The following GHR variants were observed in gnomAD, a reference collection of about 807,000 sequenced individuals.
GHR encodes the protein growth hormone receptor.
In GHR, 35 loss-of-function variants were observed where a neutral mutation model predicts 67.1. The ratio of observed to expected loss-of-function variants is 0.52; its 90% confidence interval spans 0.40 to 0.69. GHR has a LOEUF of 0.69. Among genes scored for constraint, GHR ranks in the 30% least tolerant of loss-of-function variants. The pLI, the probability that GHR is intolerant of heterozygous loss-of-function variation, is 0.00. For synonymous variants in GHR, 272 were observed against 269.1 expected, an observed-to-expected ratio of 1.01 and a Z score of -0.10; for missense variants, 792 against 764.6, an observed-to-expected ratio of 1.04 and a Z score of -0.42.
intron 3 of GHR, among the ~76,000 whole-genome samples, chr5:42,669,833 T>C (rs1437790338): frequency 1.3e-5 from 2 of 152,180 alleles, no homozygotes; most frequent in Non-Finnish European, 2.9e-5. Flanking sequence ...AAGGGAAATA[T>C]CTGTTTACTG....
intron 3 of GHR, among the ~76,000 whole-genome samples, chr5:42,657,507 T>A (rs1470304342): frequency 6.6e-6 from 1 of 152,152 alleles, no homozygotes; most frequent in African/African-American, 2.4e-5. Context: ...ATGTGGACCA[T>A]GATTTTATTC....
chr5:42,468,652 C>T, intron 1 of GHR: 2 of 1,043,004 alleles, frequency 1.9e-6, no homozygotes, highest in South Asian at 1.3e-5. Context: ...TCTGGGACTC[C>T]TTGCGCAGCT....
intron 1 of GHR, among the ~76,000 whole-genome samples, chr5:42,449,276 G>A (rs1237102201): frequency 6.6e-6 from 1 of 152,046 alleles, no homozygotes; most frequent in East Asian, 1.9e-4. Flanking sequence ...TGTGGGATGT[G>A]TTTCCATTTG....
intron 3 of GHR, among the ~76,000 whole-genome samples, chr5:42,686,615 C>T (rs983056396): frequency 1.3e-5 from 2 of 152,090 alleles, no homozygotes; most frequent in Non-Finnish European, 2.9e-5. Flanking sequence ...AAGCCTTCGA[C>T]AAAATTCAAC....
At chr5:42,467,647 C>G in intron 1 of GHR, 2 of 1,606,158 alleles carry the variant, frequency 1.2e-6, no homozygotes, top group Non-Finnish European at 1.7e-6. Flanking sequence ...AGGTTTCTGT[C>G]CAGTGTGGAT....
At chr5:42,425,737 C>T (rs1033389154) in intron 1 of GHR, among the ~76,000 whole-genome samples, 6 of 152,112 alleles carry the variant, frequency 3.9e-5, no homozygotes, top group African/African-American at 1.4e-4. Flanking sequence ...GAGGTTGTCC[C>T]GTCTCTCATC....
intron 1 of GHR, chr5:42,514,846 C>T (rs1747171976): frequency 6.6e-6 from 1 of 152,196 alleles, no homozygotes; most frequent in South Asian, 2.1e-4. Flanking sequence ...GAACTGATCA[C>T]ACACTGCATT....
chr5:42,567,670 C>T (rs1445226044), intron 2 of GHR, among the ~76,000 whole-genome samples: 1 of 151,518 alleles, frequency 6.6e-6, no homozygotes, highest in African/African-American at 2.4e-5. Context: ...ATTCCAGAAT[C>T]CTTTCTTAAA....
At chr5:42,588,987 G>A (rs1751638535) in intron 2 of GHR, among the ~76,000 whole-genome samples, 1 of 152,092 alleles carries the variant, frequency 6.6e-6, no homozygotes, top group Non-Finnish European at 1.5e-5. Flanking sequence ...AACATTAGAT[G>A]AACAACACTG....
chr5:42,641,180 C>CAT (rs753653594), intron 3 of GHR, among the ~76,000 whole-genome samples: 42,829 of 151,976 alleles, frequency 0.28, 8,124 homozygotes, highest in African/African-American at 0.54. Context: ...AGGCTGTACA[C>CAT]AGAGCTAAAA....
intron 1 of GHR, among the ~76,000 whole-genome samples, chr5:42,473,055 A>G (rs998289166): frequency 2.0e-5 from 3 of 152,222 alleles, no homozygotes; most frequent in African/African-American, 7.2e-5. Flanking sequence ...AAGAGGTATG[A>G]ATAACCTAAA....
chr5:42,447,890 C>A (rs1743881422), intron 1 of GHR, among the ~76,000 whole-genome samples: 1 of 151,828 alleles, frequency 6.6e-6, no homozygotes, highest in African/African-American at 2.4e-5. Context: ...CCTGTCTCAG[C>A]CTCTGGGATT....
intron 2 of GHR, among the ~76,000 whole-genome samples, chr5:42,579,213 T>C (rs1418905043): frequency 6.6e-6 from 1 of 151,812 alleles, no homozygotes; most frequent in Non-Finnish European, 1.5e-5. Context: ...GATAGATAGA[T>C]ATAATTCTGC....
intron 1 of GHR, among the ~76,000 whole-genome samples, chr5:42,562,216 A>G (rs34451235): frequency 0.02 from 3,061 of 152,276 alleles, 53 homozygotes; most frequent in Non-Finnish European, 0.028. Context: ...TGGACAGTGT[A>G]CAATCCAATT....
At chr5:42,474,492 T>C (rs1198978484) in intron 1 of GHR, among the ~76,000 whole-genome samples, 2 of 152,140 alleles carry the variant, frequency 1.3e-5, no homozygotes, top group African/African-American at 4.8e-5. Flanking sequence ...AGACACCCTC[T>C]GAGAGGCTTG....
chr5:42,627,790 G>A (rs4523006), intron 2 of GHR, among the ~76,000 whole-genome samples: 52,293 of 152,184 alleles, frequency 0.34, 10,392 homozygotes, highest in African/African-American at 0.55. Context: ...TGCAGTCCAC[G>A]GACAGCTTGA....
chr5:42,579,100 TAGATAG>T (rs1750944726), intron 2 of GHR, among the ~76,000 whole-genome samples: 1 of 127,500 alleles, frequency 7.8e-6, no homozygotes, highest in African/African-American at 3.0e-5. Flanking sequence ...GATAGATAGA[TAGATAG>T]ATAGATAGAT....
At chr5:42,542,671 T>C (rs1409447641) in intron 1 of GHR, among the ~76,000 whole-genome samples, 1 of 152,158 alleles carries the variant, frequency 6.6e-6, no homozygotes, top group Non-Finnish European at 1.5e-5. Flanking sequence ...GTACAAGTGA[T>C]TTTTGGTTAC....
chr5:42,602,253 C>T (rs190101204), intron 2 of GHR, among the ~76,000 whole-genome samples: 339 of 152,224 alleles, frequency 2.2e-3, no homozygotes, highest in Non-Finnish European at 3.9e-3. Flanking sequence ...TTCTGCTGTA[C>T]GTCAGATTCC....
Sources: gnomAD v4.1 joint callset for allele counts (sites outside exome capture counted in the v4.1 genomes callset) on GRCh38, gnomAD v4.1.1 for gene constraint, MANE v1.5 for transcripts, NCBI Gene and HGNC (gene_info 2026-07-23, HGNC 2026-07-21) for gene names.